Variants in BLNK observed in about 807,000 individuals in gnomAD.
BLNK encodes B-cell linker protein.
Under a neutral mutation model 73.5 loss-of-function variants are expected in BLNK, and 29 were observed. The ratio of observed to expected loss-of-function variants is 0.39; its 90% CI spans 0.29 to 0.54. The LOEUF is 0.54. Among genes scored for constraint, BLNK ranks in the 20% least tolerant of loss-of-function variants. The pLI, the probability that BLNK is intolerant of heterozygous loss-of-function variation, is 0.61. For missense variants in BLNK, 460 were observed against 562.8 expected (o/e 0.82, Z 1.85); for synonymous variants, 176 against 200.8 (o/e 0.88, Z 1.04).
At chr10:96,252,445 T>G (rs939802465) in intron 1 of BLNK, among the ~76,000 whole-genome samples, 2 of 152,212 alleles carry the variant, frequency 1.3e-5, no homozygotes, top group Non-Finnish European at 1.5e-5. Flanking sequence ...CTTTTTCTAT[T>G]GTGGGCCTTT....
At chr10:96,223,390 CAT>C (rs2084245255) in intron 6 of BLNK, among the ~76,000 whole-genome samples, 1 of 152,190 alleles carries the variant, frequency 6.6e-6, no homozygotes, top group African/African-American at 2.4e-5. Context: ...GACTTCTTTT[CAT>C]TCCTGCTCTG....
chr10:96,258,437 G>A (rs868918464), intron 1 of BLNK, among the ~76,000 whole-genome samples: 4 of 152,186 alleles, frequency 2.6e-5, no homozygotes, highest in African/African-American at 9.7e-5. Flanking sequence ...GAGAGACTTT[G>A]GGAATATCCT....
At chr10:96,223,761 T>G in intron 6 of BLNK, 65 bp downstream of exon 6, 1 of 1,581,582 alleles carries the variant, frequency 6.3e-7, no homozygotes, top group Non-Finnish European at 8.7e-7. Flanking sequence ...GCGGGCAGGC[T>G]GTCCTGGTCG....
At chr10:96,266,349 G>T (rs1178977730) in intron 1 of BLNK, among the ~76,000 whole-genome samples, 1 of 152,236 alleles carries the variant, frequency 6.6e-6, no homozygotes, top group African/African-American at 2.4e-5. Context: ...GAAACATGTT[G>T]TGTGAAGAGG....
chr10:96,230,485 C>T (rs1483179350), intron 4 of BLNK, among the ~76,000 whole-genome samples: 1 of 152,172 alleles, frequency 6.6e-6, no homozygotes, highest in Non-Finnish European at 1.5e-5. Flanking sequence ...GATATGGAAA[C>T]ATTTAAACAT....
chr10:96,206,161 C>T (rs1466395801), intron 11 of BLNK, among the ~76,000 whole-genome samples: 2 of 152,122 alleles, frequency 1.3e-5, no homozygotes, highest in Admixed American at 1.3e-4. Flanking sequence ...ATCCACTGTC[C>T]ATCATCAGAG....
chr10:96,213,400 G>A (rs1437893478), intron 8 of BLNK, among the ~76,000 whole-genome samples: 7 of 152,344 alleles, frequency 4.6e-5, no homozygotes, highest in East Asian at 1.9e-4. Flanking sequence ...GAATAAGTAC[G>A]GGCTAAGTGT....
At chr10:96,262,077 A>G (rs1394640731) in intron 1 of BLNK, among the ~76,000 whole-genome samples, 1 of 152,042 alleles carries the variant, frequency 6.6e-6, no homozygotes, top group Non-Finnish European at 1.5e-5. Context: ...CCTTATCACC[A>G]TGTTCCTGAA....
intron 3 of BLNK, among the ~76,000 whole-genome samples, chr10:96,238,211 C>T (rs1842764820): frequency 6.6e-6 from 1 of 152,212 alleles, no homozygotes; most frequent in African/African-American, 2.4e-5. Context: ...AAGCTTTGTC[C>T]TTCTGTACTC....
chr10:96,266,170 T>C (rs559765386), intron 1 of BLNK, among the ~76,000 whole-genome samples: 4 of 152,310 alleles, frequency 2.6e-5, no homozygotes, highest in Non-Finnish European at 4.4e-5. Flanking sequence ...CAAGAACAGA[T>C]GGGGTTAAAT....
At position 96,223,891 on chromosome 10, in the gene BLNK, G is replaced by C. The variant is rs2084259658; in HGVS notation, c.460C>G (p.Pro154Ala). 1 of 1,613,896 alleles carries C rather than the reference G, an allele frequency of 6.2e-7. No homozygotes were observed. The highest frequency in any genetic ancestry group is 8.5e-7 in the Non-Finnish European group (1 of 1,180,038). ...SEKARLTSTL[P>A]ALTALQKPQV... ...GGTTTCTGCAAAGCAGTCAGGGCCG[G>C]CAGGGTGGAGGTGAGCCTTGCTTTC... The change falls in exon 6 of 17, where the codon CCG (proline) becomes GCG (alanine). Residue 154 changes from proline (P) to alanine (A), a missense_variant. Transcript: ENST00000224337.
chr10:96,209,457 C>T (rs587734736), intron 9 of BLNK, among the ~76,000 whole-genome samples: 2 of 152,150 alleles, frequency 1.3e-5, no homozygotes, highest in Non-Finnish European at 2.9e-5. Flanking sequence ...GAGTGCAGTG[C>T]TGTGATCTCA....
Position 96,263,932 on chromosome 10 carries a change from G to A in BLNK, c.47+7420C>T, listed in dbSNP as rs147365547. On this transcript the variant is annotated intron_variant, in intron 1 of 16. Coordinates refer to ENST00000224337, the MANE Select transcript of BLNK (RefSeq NM_013314.4). ...CGAGGTCATGTGGGACCTAGAGGAC[G>A]GCAGCCAGCATCACACTTCAGGGTT... is the stretch of plus-strand genomic sequence containing the variant. 6.5e-3 allele frequency among the ~76,000 whole-genome samples: 997 copies of A among 152,280 alleles called. 8 individuals carry two copies. The highest frequency in any genetic ancestry group is 0.023 in the African/African-American group (935 of 41,542).
At chr10:96,260,094 A>G (rs1285511924) in intron 1 of BLNK, among the ~76,000 whole-genome samples, 3 of 151,982 alleles carry the variant, frequency 2.0e-5, no homozygotes, top group African/African-American at 7.3e-5. Context: ...TGCTTGCTGG[A>G]CTCTGCTCTC....
intron 3 of BLNK, among the ~76,000 whole-genome samples, chr10:96,238,151 C>T (rs189433492): frequency 1.7e-3 from 253 of 152,356 alleles, no homozygotes; most frequent in African/African-American, 5.5e-3. Context: ...CCACACTGGC[C>T]TGACCTGCAT....
At chr10:96,229,654 C>CTGTGTGTGTGTG (rs10625497) in intron 4 of BLNK, among the ~76,000 whole-genome samples, 3,924 of 142,614 alleles carry the variant, frequency 0.028, 115 homozygotes, top group African/African-American at 0.059. Context: ...TTACATGTGG[C>CTGTGTGTGTGTG]TGTGTGTGTG....
At chr10:96,195,484 AGGAAGGAAATCCT>A (rs782752281) in intron 16 of BLNK, among the ~76,000 whole-genome samples, 6 of 152,278 alleles carry the variant, frequency 3.9e-5, no homozygotes, top group Non-Finnish European at 5.9e-5. Context: ...AGCCTTAAAA[AGGAAGGAAATCCT>A]AACACATGCT....
intron 13 of BLNK, 84 bp from the exon 14 acceptor site, chr10:96,201,142 T>C (rs1354649682): frequency 8.0e-7 from 1 of 1,246,292 alleles, no homozygotes; most frequent in Non-Finnish European, 1.2e-6. Flanking sequence ...CTGTACTAGG[T>C]GCTGCCAGGG....
At chr10:96,221,174 C>T (rs114791925) in intron 6 of BLNK, among the ~76,000 whole-genome samples, 1,832 of 152,258 alleles carry the variant, frequency 0.012, 20 homozygotes, top group African/African-American at 0.024. Flanking sequence ...TGATAGACTT[C>T]ATAGGGTTAG....
Sources: gnomAD v4.1 joint callset for allele counts (sites outside exome capture counted in the v4.1 genomes callset) on GRCh38, gnomAD v4.1.1 for gene constraint, MANE v1.5 for transcripts, NCBI Gene and HGNC (gene_info 2026-07-23, HGNC 2026-07-21) for gene names.